Variants in OR4C11 observed in about 807,000 individuals in gnomAD.
OR4C11 encodes the protein olfactory receptor family 4 subfamily C member 11.
A neutral mutation model predicts 14.7 loss-of-function variants in OR4C11; 15 were observed. That is an observed-to-expected ratio of 1.02 (90% CI 0.68 to 1.58). The LOEUF is 1.58. Among genes scored for constraint, OR4C11 ranks in the 40% most tolerant of loss-of-function variants. The pLI is 0.00. For synonymous variants in OR4C11, 146 were observed against 135.0 expected (o/e 1.08, Z -0.57); for missense variants, 473 against 383.0 (o/e 1.24, Z -1.96).
At position 55,605,797 on chromosome 11, in the gene OR4C11, G is replaced by A. The variant is rs1436313431; in HGVS notation, c.-206-510C>T. ...GGAAAGATGCTCAATTTCTTTCATA[G>A]TTAAATACATTCAAGTTAAAATTCC... is the stretch of plus-strand genomic sequence containing the variant. On this transcript the variant is annotated intron_variant, in intron 2 of 3. Transcript: ENST00000641580. Among the ~76,000 whole-genome samples, 8 of 138,410 alleles carry A rather than the reference G, an allele frequency of 5.8e-5. 1 individual carries two copies. The highest frequency in any genetic ancestry group is 1.6e-4 in the Admixed American group (2 of 12,682). The allele number at this position is 138,410 out of a possible 152,430, so 90.8% of individuals were successfully genotyped here.
chr11:55,605,422 A>G (rs1421517054), intron 2 of OR4C11, 135 bp from the exon 3 acceptor site: 2 of 137,350 alleles, frequency 1.5e-5, no homozygotes, highest in African/African-American at 5.2e-5. Context: ...GAAACTTTCA[A>G]TAGAATTTTT....
rs997633092 is a variant in OR4C11, at chr11:55,602,943, C to A, written c.*498G>T. 4 of 138,948 alleles carry A rather than the reference C, an allele frequency of 2.9e-5. No individual in the cohort carries two copies. Among genetic ancestry groups the A allele is most frequent in the African/African-American group, 1.0e-4 (4 of 39,950 alleles). The allele number at this position is 138,948 out of a possible 1,614,324, so 8.6% of individuals were successfully genotyped here. On this transcript the variant is annotated 3_prime_UTR_variant, in exon 4 of 4. Transcript: ENST00000641580. ...CTTTGTTGGTGCTCACAAATTTGAA[C>A]ACTTGTGATTGTATAAATGTCTTTC... is the stretch of plus-strand genomic sequence containing the variant.
At chr11:55,605,657 T>C (rs890600511) in intron 2 of OR4C11, among the ~76,000 whole-genome samples, 1 of 138,552 alleles carries the variant, frequency 7.2e-6, no homozygotes, top group South Asian at 2.3e-4. Flanking sequence ...CATAGCTTTT[T>C]AAAATGTAAA....
Position 55,606,199 on chromosome 11 carries a change from T to C in OR4C11, c.-207+323A>G, listed in dbSNP as rs192715238. On this transcript the variant is annotated intron_variant, in intron 2 of 3. Coordinates refer to ENST00000641580, the MANE Select transcript of OR4C11 (RefSeq NM_001004700.3). ...AGATACAGATAGCTGTGTGTTTATA[T>C]GCACACGCACGCACACACACACACA... 2.1e-4 allele frequency among the ~76,000 whole-genome samples: 26 copies of C among 126,714 alleles called. 7 individuals carry two copies. Among genetic ancestry groups the C allele is most frequent in the Admixed American group, 2.0e-3 (22 of 11,262 alleles). The allele number at this position is 126,714 out of a possible 152,430, so 83.1% of individuals were successfully genotyped here.
At position 55,606,222 on chromosome 11, in the gene OR4C11, AC is replaced by A. The variant is rs1246540680; in HGVS notation, c.-207+299del. ...TATGCACACGCACGCACACACACACACACACAAAATTGTCCCTGACATATGG... is the reference window on the plus strand; with the variant it reads ...TATGCACACGCACGCACACACACACAACACAAAATTGTCCCTGACATATGG... On this transcript the variant is annotated intron_variant, in intron 2 of 3. Coordinates refer to ENST00000641580, the MANE Select transcript of OR4C11 (RefSeq NM_001004700.3). Among the ~76,000 whole-genome samples, 182 of 138,160 alleles carry A rather than the reference AC, an allele frequency of 1.3e-3. 37 individuals are homozygous for A. Among genetic ancestry groups the A allele is most frequent in the Middle Eastern group, 7.6e-3 (2 of 262 alleles). The allele number at this position is 138,160 out of a possible 152,430, so 90.6% of individuals were successfully genotyped here.
rs1441414948 is a variant in OR4C11 at position 55,604,107 on chromosome 11, A to G, written c.267T>C (p.Ile89=). The change falls in exon 4 of 4, where the codon ATT becomes ATC. Residue 89 remains isoleucine (I), a synonymous_variant. Coordinates refer to ENST00000641580, the MANE Select transcript of OR4C11 (RefSeq NM_001004700.3). The part of the protein sequence containing the change: ...LIVDALSEKK[I]ITYNECMTQV... ...GTGTCATGCACTCATTGTAGGTTATAATTTTCTTTTCAGAGAGAGCATCCA... is the reference window on the plus strand; with the variant it reads ...GTGTCATGCACTCATTGTAGGTTATGATTTTCTTTTCAGAGAGAGCATCCA... 3.4e-6 allele frequency: 5 copies of G among 1,483,788 alleles called. 1 individual carries two copies. Among genetic ancestry groups the G allele is most frequent in the Non-Finnish European group, 4.6e-6 (5 of 1,090,948 alleles). The allele number at this position is 1,483,788 out of a possible 1,614,324, so 91.9% of individuals were successfully genotyped here.
chr11:55,603,374 T>C lies in OR4C11; in HGVS notation c.*67A>G, dbSNP rs2120116866. On this transcript the variant is annotated 3_prime_UTR_variant, in exon 4 of 4. Coordinates refer to ENST00000641580, the MANE Select transcript of OR4C11 (RefSeq NM_001004700.3). ...CCACAGCATTCAGGTACTTTCCTAT[T>C]TGCTGTCTATACTTACTCTGTTAAA... The C allele has an allele frequency of 1.3e-6, 1 of 773,772 alleles. No homozygotes were observed. The highest frequency in any genetic ancestry group is 2.0e-6 in the Non-Finnish European group (1 of 506,576). 47.9% of individuals were successfully genotyped at this position (773,772 alleles called of 1,614,324 possible). A position where few individuals can be genotyped will look rare whatever the true frequency, so the allele number is the denominator to read the frequency against.
rs1200820003 is a variant in OR4C11 at position 55,605,872 on chromosome 11, A to G, written c.-206-585T>C. The stretch of plus-strand genomic sequence containing the variant: ...GTTAATAAAGTAATCCTTTTGATAA[A>G]TGTCTTAACAAATAGTCTTGACAAA... On this transcript the variant is annotated intron_variant, in intron 2 of 3. Coordinates refer to ENST00000641580, the MANE Select transcript of OR4C11 (RefSeq NM_001004700.3). Among the ~76,000 whole-genome samples, 2 of 138,896 alleles carry G rather than the reference A, an allele frequency of 1.4e-5. 1 individual carries two copies. Among genetic ancestry groups the G allele is most frequent in the African/African-American group, 5.0e-5 (2 of 40,056 alleles). The allele number at this position is 138,896 out of a possible 152,430, so 91.1% of individuals were successfully genotyped here.
chr11:55,607,012 GAATT>G (rs907235799), intron 1 of OR4C11, among the ~76,000 whole-genome samples: 3 of 137,950 alleles, frequency 2.2e-5, no homozygotes, highest in African/African-American at 7.5e-5. Flanking sequence ...ATGAATCAAA[GAATT>G]AAGAGAAATT....
Position 55,604,412 on chromosome 11 carries a change from G to T in OR4C11, c.-39C>A, listed in dbSNP as rs1857934722. On this transcript the variant is annotated 5_prime_UTR_variant, in exon 4 of 4. Coordinates refer to ENST00000641580, the MANE Select transcript of OR4C11 (RefSeq NM_001004700.3). ...GTGAAGAAACCACAGATTAGAACTAGTTAATCTGCAAAAGAAAAAAAGAAA... is the reference window on the plus strand; with the variant it reads ...GTGAAGAAACCACAGATTAGAACTATTTAATCTGCAAAAGAAAAAAAGAAA... The T allele has an allele frequency of 1.2e-6, 1 of 829,210 alleles. No individual in the cohort carries two copies. Among genetic ancestry groups the T allele is most frequent in the African/African-American group, 1.7e-5 (1 of 60,220 alleles). 51.4% of individuals were successfully genotyped at this position (829,210 alleles called of 1,614,324 possible). A position where few individuals can be genotyped will look rare whatever the true frequency, so the allele number is the denominator to read the frequency against.
rs7936139 is a variant in OR4C11 at position 55,602,849 on chromosome 11, T to G, written c.*592A>C. 7,453 of 139,018 alleles carry G rather than the reference T, an allele frequency of 0.054. 1,634 individuals are homozygous for G. Among genetic ancestry groups the G allele is most frequent in the Non-Finnish European group, 0.083 (5,164 of 62,280 alleles). 8.6% of individuals were successfully genotyped at this position (139,018 alleles called of 1,614,324 possible). A position where few individuals can be genotyped will look rare whatever the true frequency, so the allele number is the denominator to read the frequency against. On this transcript the variant is annotated 3_prime_UTR_variant, in exon 4 of 4. Coordinates refer to ENST00000641580, the MANE Select transcript of OR4C11 (RefSeq NM_001004700.3). ...CTTGATATACTGAGTTAGTTCCTTT[T>G]CCCTAGAAGTGTTCAGGAGGAAGCT...
chr11:55,605,427 A>G lies in OR4C11; in HGVS notation c.-206-140T>C, dbSNP rs764750366. 8 of 137,320 alleles carry G rather than the reference A, an allele frequency of 5.8e-5. 2 individuals are homozygous for G. Among genetic ancestry groups the G allele is most frequent in the Non-Finnish European group, 9.6e-5 (6 of 62,272 alleles). 8.5% of individuals were successfully genotyped at this position (137,320 alleles called of 1,614,324 possible). ...AGTCAGGACTGAAACTTTCAATAGA[A>G]TTTTTAGTTTGTATGTTCTTATGAA... On this transcript the variant is annotated intron_variant, in intron 2 of 3. Transcript: ENST00000641580.
At position 55,603,674 on chromosome 11, in the gene OR4C11, C is replaced by A. The variant is rs773720877; in HGVS notation, c.700G>T (p.Ala234Ser). The A allele has an allele frequency of 4.7e-6, 7 of 1,478,354 alleles. 1 individual carries two copies. The African/African-American group carries it at 5.5e-5, about 12-fold the overall frequency. 91.6% of individuals were successfully genotyped at this position (1,478,354 alleles called of 1,614,324 possible). ...RNHSAKGKKK[A>S]LSACTSHIIV... is the part of the protein sequence containing the mutation. ...ATGTGAGACGTGCAAGCGGAGAGAGCCTTTTTCTTCCCTTTGGCACTGTGG... is the reference window on the plus strand; with the variant it reads ...ATGTGAGACGTGCAAGCGGAGAGAGACTTTTTCTTCCCTTTGGCACTGTGG... Residue 234 changes from alanine (A) to serine (S), a missense_variant, in exon 4 of 4, where the codon GCT becomes TCT. By Grantham distance (99) the Ala-to-Ser change is moderately conservative. Transcript: ENST00000641580.
In OR4C11 at chr11:55,606,041, T is replaced by C. The variant is rs182580140; in HGVS notation, c.-207+481A>G. 2.2e-4 allele frequency among the ~76,000 whole-genome samples: 31 copies of C among 138,128 alleles called. 9 individuals are homozygous for C. The highest frequency in any genetic ancestry group is 4.7e-4 in the Non-Finnish European group (29 of 62,038). 90.6% of individuals were successfully genotyped at this position (138,128 alleles called of 152,430 possible). A position where few individuals can be genotyped will look rare whatever the true frequency, so the allele number is the denominator to read the frequency against. ...TTCCGTTTCCTATAGACGCACTCAT[T>C]CACAGAAACAAGGACAATCATTTTG... On this transcript the variant is annotated intron_variant, in intron 2 of 3. Transcript: ENST00000641580.
intron 3 of OR4C11, 96 bp from the exon 4 acceptor site, chr11:55,604,513 T>C (rs1857935982): frequency 2.5e-6 from 1 of 407,564 alleles, no homozygotes; most frequent in African/African-American, 2.1e-5. Flanking sequence ...TTATTGACAA[T>C]TCTTTGTATT....
rs777557130 is a variant in OR4C11, at chr11:55,603,714, C to A, written c.660G>T (p.Leu220Phe). ...TGGCACTGTGGTTTCTCAGTGAATG[C>A]AAGATGACAATATATGAAATTATCA... ...MILIISYIVILHSLRNHSAKG... is the reference protein window; with the variant it reads ...MILIISYIVIFHSLRNHSAKG... The change falls in exon 4 of 4, where the codon TTG becomes TTT. Residue 220 changes from leucine to phenylalanine, a missense_variant. Physicochemically the swap from Leu to Phe is conservative, Grantham distance 22. Coordinates refer to ENST00000641580, the MANE Select transcript of OR4C11 (RefSeq NM_001004700.3). 4.7e-6 allele frequency: 7 copies of A among 1,489,858 alleles called. 2 individuals carry two copies. Among genetic ancestry groups the A allele is most frequent in the Non-Finnish European group, 6.4e-6 (7 of 1,095,286 alleles). The allele number at this position is 1,489,858 out of a possible 1,614,324, so 92.3% of individuals were successfully genotyped here.
In OR4C11 at chr11:55,603,986, A is replaced by G. The variant is rs577774033; in HGVS notation, c.388T>C (p.Tyr130His). The change falls in exon 4 of 4, where the codon TAC (tyrosine) becomes CAC (histidine). Residue 130 changes from tyrosine to histidine, a missense_variant. By Grantham distance (83) the Tyr-to-His change is moderately conservative. Transcript: ENST00000641580. ...ACCTGCTGGCTCATGATGGTTGGGT[A>G]ACGCAAGGGCTTACAGATGGCCACA... ...RYVAICKPLR[Y>H]PTIMSQQVCI... The G allele has an allele frequency of 8.7e-6, 13 of 1,490,028 alleles. 3 individuals carry two copies. Among genetic ancestry groups the G allele is most frequent in the Non-Finnish European group, 1.2e-5 (13 of 1,096,496 alleles). 92.3% of individuals were successfully genotyped at this position (1,490,028 alleles called of 1,614,324 possible). A position where few individuals can be genotyped will look rare whatever the true frequency, so the allele number is the denominator to read the frequency against.
rs1212149823 is a variant in OR4C11 at position 55,605,167 on chromosome 11, T to G, written c.-86A>C. Reference sequence around the variant, plus strand: ...ATTATTTTCAGTTCCAAATTCATCCTTTATTATTCAACTTTGTACTGCTTT... The same window carrying G: ...ATTATTTTCAGTTCCAAATTCATCCGTTATTATTCAACTTTGTACTGCTTT... On this transcript the variant is annotated 5_prime_UTR_variant, in exon 3 of 4. Coordinates refer to ENST00000641580, the MANE Select transcript of OR4C11 (RefSeq NM_001004700.3). 2 of 139,166 alleles carry G rather than the reference T, an allele frequency of 1.4e-5. 1 individual carries two copies. Among genetic ancestry groups the G allele is most frequent in the East Asian group, 4.7e-4 (2 of 4,284 alleles). 8.6% of individuals were successfully genotyped at this position (139,166 alleles called of 1,614,324 possible).
chr11:55,604,874 G>A lies in OR4C11; in HGVS notation c.-45+252C>T, dbSNP rs539741681. On this transcript the variant is annotated intron_variant, in intron 3 of 3. Transcript: ENST00000641580. The stretch of plus-strand genomic sequence containing the variant: ...ATAGGCTTTCACATTATTTGAACCT[G>A]ACAGTACCATTATAATATATTTACT... 1.0e-4 allele frequency among the ~76,000 whole-genome samples: 14 copies of A among 137,776 alleles called. 4 individuals are homozygous for A. Among genetic ancestry groups the A allele is most frequent in the African/African-American group, 3.5e-4 (14 of 40,008 alleles). The allele number at this position is 137,776 out of a possible 152,430, so 90.4% of individuals were successfully genotyped here.
Sources: allele counts gnomAD v4.1 joint callset (sites outside exome capture counted in the v4.1 genomes callset), GRCh38; gene constraint gnomAD v4.1.1; transcripts MANE v1.5; gene names NCBI Gene and HGNC (gene_info 2026-07-23, HGNC 2026-07-21).